PPP2R1B: variants seen among roughly 807,000 people sequenced by gnomAD.
The protein encoded by PPP2R1B is protein phosphatase 2 scaffold subunit Abeta.
In PPP2R1B, 58 loss-of-function variants were observed where a neutral mutation model predicts 72.7. The ratio of observed to expected loss-of-function variants is 0.80; its 90% confidence interval spans 0.65 to 0.99. The LOEUF is 0.99. Ranked by LOEUF, PPP2R1B falls within the 50% of genes least tolerant of loss-of-function variation. PPP2R1B has a pLI of 0.00. For missense variants in PPP2R1B, 695 were observed against 733.6 expected (o/e 0.95, Z 0.61); for synonymous variants, 256 against 264.6 (o/e 0.97, Z 0.32).
chr11:111,720,788 G>C, the PPP2R1B span: 16 of 1,570,490 alleles, frequency 1.0e-5, no homozygotes, highest in Non-Finnish European at 1.3e-5. Flanking sequence ...TCTGCTTTTT[G>C]AAACTCGCGT....
At chr11:111,758,123 T>C (rs1555050249) in intron 5 of PPP2R1B, among the ~76,000 whole-genome samples, 1 of 152,216 alleles carries the variant, frequency 6.6e-6, no homozygotes, top group Non-Finnish European at 1.5e-5. Flanking sequence ...TACACGTTAT[T>C]TACACTCAAA....
At chr11:111,694,542 T>C in the PPP2R1B span, among the ~76,000 whole-genome samples, 829 of 152,280 alleles carry the variant, frequency 5.4e-3, 10 homozygotes, top group African/African-American at 0.019. Context: ...TTCAGATTTG[T>C]CCCCTAGAAC....
chr11:111,727,255 G>A (rs898643076), intron 15 of PPP2R1B: 3 of 597,774 alleles, frequency 5.0e-6, no homozygotes, highest in Non-Finnish European at 8.9e-6. Flanking sequence ...GGGCCCACCA[G>A]GGGAGTGGGG....
At chr11:111,752,023 T>C (rs1555048054) in intron 10 of PPP2R1B, 136 bp downstream of exon 10, 6 of 950,920 alleles carry the variant, frequency 6.3e-6, no homozygotes, top group African/African-American at 5.0e-5. Context: ...AACCATCCTA[T>C]AGGTAACAAG....
At chr11:111,734,207 A>G (rs1944277263), downstream of PPP2R1B, among the ~76,000 whole-genome samples, 1 of 152,166 alleles carries the variant, frequency 6.6e-6, no homozygotes, top group Non-Finnish European at 1.5e-5. Flanking sequence ...TGCCTGCCCC[A>G]ACACTAGGTA....
the PPP2R1B span, chr11:111,719,886 G>A: frequency 1.9e-6 from 3 of 1,614,158 alleles, no homozygotes; most frequent in Non-Finnish European, 2.5e-6. Context: ...GGAGACAGAA[G>A]GAGAGGCCGA....
In PPP2R1B at chr11:111,739,515, C is replaced by G; in HGVS notation, c.*2081G>C. On this transcript the variant is annotated 3_prime_UTR_variant, in exon 15 of 15. Transcript: ENST00000527614. ...ACAAAAGACAGAGGCCCCGCTGAAC[C>G]CCCGACCCATGCTTGAGAAAGCCAG... 1 of 985,400 alleles carries G rather than the reference C, an allele frequency of 1.0e-6. No homozygotes were observed. Among genetic ancestry groups the G allele is most frequent in the Non-Finnish European group, 1.2e-6 (1 of 829,946 alleles). The allele number at this position is 985,400 out of a possible 1,614,324, so 61.0% of individuals were successfully genotyped here.
chr11:111,742,522 C>T lies in PPP2R1B; in HGVS notation c.1697+1G>A. Reference sequence around the variant, plus strand: ...AACAAGACTAAACACTAAAATCTTACTTGGTATCTAGAATTGGTCCAATCT... The same window carrying T: ...AACAAGACTAAACACTAAAATCTTATTTGGTATCTAGAATTGGTCCAATCT... On this transcript the variant is annotated splice_donor_variant, in intron 13 of 14. Transcript: ENST00000527614. LOFTEE classifies it high-confidence loss of function. 6.2e-7 allele frequency: 1 copy of T among 1,612,112 alleles called. No homozygotes were observed. The highest frequency in any genetic ancestry group is 1.1e-5 in the South Asian group (1 of 90,734).
Position 111,764,845 on chromosome 11 carries a change from G to C in PPP2R1B, c.266C>G (p.Thr89Ser). The C allele has an allele frequency of 2.5e-6, 4 of 1,614,126 alleles. No homozygotes were observed. Among genetic ancestry groups the C allele is most frequent in the Non-Finnish European group, 2.5e-6 (3 of 1,180,014 alleles). Residue 89 changes from threonine (T) to serine (S), a missense_variant, in exon 3 of 15, where the codon ACT becomes AGT. Physicochemically the swap from Thr to Ser is moderately conservative, Grantham distance 58. Coordinates refer to ENST00000527614, the MANE Select transcript of PPP2R1B (RefSeq NM_002716.5). ...LALAEQLGNF[T>S]GLVGGPDFAH... ...AAAGTCAGGACCTCCCACTAGGCCA[G>C]TGAAATTTCCCAGCTGCTCAGCAAG...
At chr11:111,715,793 C>CATTTTTT in the PPP2R1B span, among the ~76,000 whole-genome samples, 1 of 81,580 alleles carries the variant, frequency 1.2e-5, no homozygotes, top group Non-Finnish European at 2.2e-5. Context: ...TCATTTTTAG[C>CATTTTTT]TTTTTTTTTT....
intron 3 of PPP2R1B, 82 bp from the exon 4 acceptor site, chr11:111,761,133 G>C (rs1271763288): frequency 6.8e-6 from 8 of 1,167,964 alleles, no homozygotes; most frequent in Non-Finnish European, 5.0e-6. Flanking sequence ...TAAAGTGACT[G>C]AAGGGAGGTG....
At chr11:111,743,303 A>G in intron 12 of PPP2R1B, 73 bp downstream of exon 12, 1 of 1,411,174 alleles carries the variant, frequency 7.1e-7, no homozygotes, top group East Asian at 2.3e-5. Context: ...CAGTATACTG[A>G]TAATTCAGAA....
chr11:111,729,619 TTC>T (rs1944115327), intron 15 of PPP2R1B: 1 of 152,300 alleles, frequency 6.6e-6, no homozygotes. Flanking sequence ...TCTCTTTCCC[TTC>T]TCTTTCCTCA....
downstream of PPP2R1B, chr11:111,725,816 A>G (rs998620568): frequency 6.6e-6 from 1 of 152,582 alleles, no homozygotes; most frequent in South Asian, 2.1e-4. Context: ...TGCTGGCCAG[A>G]GACTGCCTGG....
intron 5 of PPP2R1B, among the ~76,000 whole-genome samples, chr11:111,759,496 C>T (rs1279450666): frequency 6.6e-6 from 1 of 152,182 alleles, no homozygotes; most frequent in East Asian, 1.9e-4. Flanking sequence ...TATTACAATA[C>T]AGCCAGCAAT....
rs141991921 is a variant in PPP2R1B at position 111,753,231 on chromosome 11, A to G, written c.1164+212T>C. Reference sequence around the variant, plus strand: ...AAAATCAGGTAAAGATGATAAACAGATATTTCTAGGTTTACTCTAATGGGT... The same window carrying G: ...AAAATCAGGTAAAGATGATAAACAGGTATTTCTAGGTTTACTCTAATGGGT... On this transcript the variant is annotated intron_variant, in intron 9 of 14. Coordinates refer to ENST00000527614, the MANE Select transcript of PPP2R1B (RefSeq NM_002716.5). 2.6e-5 allele frequency among the ~76,000 whole-genome samples: 4 copies of G among 152,314 alleles called. No individual in the cohort carries two copies. In the East Asian group the frequency reaches 7.7e-4, roughly 29 times the overall value.
intron 11 of PPP2R1B, 110 bp downstream of exon 11, chr11:111,747,844 C>T (rs984339280): frequency 3.2e-6 from 3 of 928,620 alleles, no homozygotes; most frequent in Admixed American, 2.9e-5. Context: ...TTTCTTCATT[C>T]CTACAATATT....
chr11:111,760,719 C>T, intron 4 of PPP2R1B, 100 bp downstream of exon 4: 2 of 995,288 alleles, frequency 2.0e-6, no homozygotes, highest in Non-Finnish European at 3.1e-6. Context: ...TAACAAGGTA[C>T]TATGTAAATT....
chr11:111,742,128 C>T lies in PPP2R1B; in HGVS notation c.1714G>A (p.Val572Met). 1 of 1,613,256 alleles carries T rather than the reference C, an allele frequency of 6.2e-7. No homozygotes were observed. Residue 572 changes from valine (V) to methionine (M), a missense_variant, in exon 14 of 15, where the codon GTG becomes ATG. Physicochemically the swap from Val to Met is conservative, Grantham distance 21. Transcript: ENST00000527614. ...CCTAACTTCTGTAGTACTGGCTTCA[C>T]TTCTCCCTGTAAAGCACTGACATTC... The part of the protein sequence containing the change: ...ILDTNALQGE[V>M]KPVLQKLGQD...
Sources: allele counts gnomAD v4.1 joint callset (sites outside exome capture counted in the v4.1 genomes callset), GRCh38; gene constraint gnomAD v4.1.1; transcripts MANE v1.5; gene names NCBI Gene and HGNC (gene_info 2026-07-23, HGNC 2026-07-21).